FMN2: variants seen among roughly 807,000 people sequenced by gnomAD.
FMN2 encodes formin 2.
FMN2 carries 51 observed loss-of-function variants against 142.3 expected under a neutral mutation model. The ratio of observed to expected loss-of-function variants is 0.36; its 90% CI spans 0.29 to 0.45. The LOEUF (loss-of-function observed/expected upper bound fraction) is 0.45. FMN2 is among the 20% of genes least tolerant of loss of function. FMN2 has a pLI of 1.00. For synonymous variants in FMN2, 882 were observed against 869.8 expected (o/e 1.01, Z -0.25); for missense variants, 1,936 against 2,122.8 (o/e 0.91, Z 1.73).
At chr1:240,125,277 C>A (rs1051726829) in intron 2 of FMN2, among the ~76,000 whole-genome samples, 7 of 152,180 alleles carry the variant, frequency 4.6e-5, no homozygotes, top group Admixed American at 4.6e-4. Flanking sequence ...GAAAATTCCC[C>A]ATGTTGTGCT....
Position 240,092,695 on chromosome 1 carries a change from C to T in FMN2, c.586C>T (p.Leu196Phe). ...TTCGGCTACGGAGCAAGAGGATTTG[C>T]TTTCAGACATCCAGCAGGCGATCCG... Reference protein sequence around the residue: ...FHSATEQEDLLSDIQQAIRLQ... With the variant: ...FHSATEQEDLFSDIQQAIRLQ... The change falls in exon 1 of 18, where the codon CTT becomes TTT. Residue 196 changes from leucine (L) to phenylalanine (F), a missense_variant. Leu to Phe is a conservative substitution (Grantham distance 22). This residue lies in a region of FMN2 where 751 missense variants were observed against 791.8 expected (regional missense o/e 0.95). Transcript: ENST00000319653. 6.2e-7 allele frequency: 1 copy of T among 1,614,014 alleles called. No individual in the cohort carries two copies. The highest frequency in any genetic ancestry group is 8.5e-7 in the Non-Finnish European group (1 of 1,179,984).
At chr1:240,134,645 TAAAG>T (rs1374094233) in intron 2 of FMN2, among the ~76,000 whole-genome samples, 6 of 150,876 alleles carry the variant, frequency 4.0e-5, no homozygotes, top group Middle Eastern at 3.4e-3. Flanking sequence ...AAACAACAAA[TAAAG>T]AGAGACAGAG....
chr1:240,182,219 A>G (rs1454885287), intron 3 of FMN2, among the ~76,000 whole-genome samples: 1 of 152,198 alleles, frequency 6.6e-6, no homozygotes, highest in African/African-American at 2.4e-5. Context: ...AATTAACTTG[A>G]GTTTTCAAAT....
intron 8 of FMN2, among the ~76,000 whole-genome samples, chr1:240,317,446 C>T (rs73124117): frequency 0.1 from 15,293 of 152,134 alleles, 929 homozygotes; most frequent in African/African-American, 0.16. Flanking sequence ...CTGTTTCCAT[C>T]GCTATAATTT....
intron 6 of FMN2, among the ~76,000 whole-genome samples, chr1:240,215,813 A>G (rs1323352305): frequency 6.6e-6 from 1 of 151,896 alleles, no homozygotes; most frequent in Non-Finnish European, 1.5e-5. Flanking sequence ...GGTTCAAGCG[A>G]TTCTCCTGCC....
At chr1:240,286,693 TC>T (rs564310722) in intron 7 of FMN2, among the ~76,000 whole-genome samples, 148 of 150,476 alleles carry the variant, frequency 9.8e-4, no homozygotes, top group Non-Finnish European at 1.5e-3. Flanking sequence ...TGTGTGTACT[TC>T]CTGTGCCATC....
chr1:240,369,372 C>A (rs1672788535), intron 14 of FMN2, among the ~76,000 whole-genome samples: 1 of 152,078 alleles, frequency 6.6e-6, no homozygotes. Flanking sequence ...GTTTTAGTTT[C>A]ATTTTATATT....
At chr1:240,114,182 G>C (rs1016515379) in intron 1 of FMN2, among the ~76,000 whole-genome samples, 3 of 152,076 alleles carry the variant, frequency 2.0e-5, no homozygotes, top group South Asian at 2.1e-4. Flanking sequence ...CAGACATCAT[G>C]TTATTTTAAT....
At chr1:240,218,714 T>C (rs926431277) in intron 6 of FMN2, among the ~76,000 whole-genome samples, 3 of 152,164 alleles carry the variant, frequency 2.0e-5, no homozygotes, top group African/African-American at 7.2e-5. Context: ...TTGCCCCCTT[T>C]TTTGATCCGA....
chr1:240,184,946 C>CTTCCCCTTGTCTTTCTCCCTCCTATACCT, intron 3 of FMN2, among the ~76,000 whole-genome samples: 1 of 143,640 alleles, frequency 7.0e-6, no homozygotes, highest in African/African-American at 2.6e-5. Context: ...CCTCCTATAC[C>CTTCCCCTTGTCTTTCTCCCTCCTATACCT]TTCCCCTTCT....
At chr1:240,324,665 T>G in intron 8 of FMN2, among the ~76,000 whole-genome samples, 1 of 119,136 alleles carries the variant, frequency 8.4e-6, no homozygotes, top group South Asian at 2.8e-4. Flanking sequence ...TGAGACCCTG[T>G]CGAAAGAAGG....
intron 1 of FMN2, among the ~76,000 whole-genome samples, chr1:240,121,003 CA>C (rs1285314313): frequency 2.0e-5 from 3 of 152,004 alleles, no homozygotes; most frequent in East Asian, 3.9e-4. Flanking sequence ...ACTAAAGCTA[CA>C]AAAAAAATTA....
At chr1:240,178,627 G>GTCTC (rs1160699389) in intron 3 of FMN2, among the ~76,000 whole-genome samples, 1 of 151,954 alleles carries the variant, frequency 6.6e-6, no homozygotes, top group African/African-American at 2.4e-5. Flanking sequence ...TAGAGCCAGA[G>GTCTC]TCTCACTCTG....
chr1:240,183,542 T>A (rs1184055002), intron 3 of FMN2, among the ~76,000 whole-genome samples: 1 of 150,406 alleles, frequency 6.6e-6, no homozygotes, highest in African/African-American at 2.4e-5. Context: ...TGCATGTATG[T>A]GTATACATAC....
At chr1:240,380,849 T>A (rs1673203418) in intron 14 of FMN2, among the ~76,000 whole-genome samples, 1 of 151,758 alleles carries the variant, frequency 6.6e-6, no homozygotes, top group African/African-American at 2.4e-5. Context: ...CTAGCTAGAT[T>A]AACCAAGGAA....
intron 1 of FMN2, among the ~76,000 whole-genome samples, chr1:240,109,968 G>C (rs1282253183): frequency 6.6e-6 from 1 of 152,062 alleles, no homozygotes. Flanking sequence ...CTAAGTGCTT[G>C]GTTATATCTT....
At chr1:240,349,404 T>G (rs1036126298) in intron 13 of FMN2, among the ~76,000 whole-genome samples, 1 of 152,202 alleles carries the variant, frequency 6.6e-6, no homozygotes, top group African/African-American at 2.4e-5. Flanking sequence ...AATGAAACTT[T>G]CTGGAAGCTC....
At chr1:240,211,746 C>CTATTTTATG (rs1295492279) in intron 6 of FMN2, among the ~76,000 whole-genome samples, 1 of 152,192 alleles carries the variant, frequency 6.6e-6, no homozygotes, top group Non-Finnish European at 1.5e-5. Context: ...TCTAACCTCT[C>CTATTTTATG]TATTTTATGT....
chr1:240,107,370 T>C (rs1486465585), intron 1 of FMN2, among the ~76,000 whole-genome samples: 1 of 152,220 alleles, frequency 6.6e-6, no homozygotes, highest in African/African-American at 2.4e-5. Flanking sequence ...TCTGTGTGAC[T>C]CATTCCTTTT....
Sources: allele counts gnomAD v4.1 joint callset (sites outside exome capture counted in the v4.1 genomes callset), GRCh38; gene constraint gnomAD v4.1.1; regional missense constraint gnomAD v4.1.1; transcripts MANE v1.5; gene names NCBI Gene and HGNC (gene_info 2026-07-23, HGNC 2026-07-21).